Variants in WDR41 observed in about 807,000 individuals in gnomAD.
WDR41 encodes the protein WD repeat-containing protein 41.
WDR41 carries 63 observed loss-of-function variants against 69.3 expected under a neutral mutation model. The ratio of observed to expected loss-of-function variants is 0.91; its 90% confidence interval spans 0.74 to 1.12. WDR41 has a LOEUF of 1.12. Ranked by LOEUF, WDR41 falls within the 50% of genes most tolerant of loss-of-function variation. The pLI is 0.00. For synonymous variants in WDR41, 185 were observed against 192.1 expected (o/e 0.96, Z 0.31); for missense variants, 543 against 534.5 (o/e 1.02, Z -0.16).
intron 1 of WDR41, among the ~76,000 whole-genome samples, chr5:77,596,895 A>G (rs1447284714): frequency 6.6e-6 from 1 of 151,874 alleles, no homozygotes; most frequent in Non-Finnish European, 1.5e-5. Context: ...AAGGGGGTGG[A>G]TTGCTTGAGC....
intron 4 of WDR41, 37 bp downstream of exon 4, chr5:77,463,058 A>G: frequency 1.2e-6 from 2 of 1,607,564 alleles, no homozygotes; most frequent in Non-Finnish European, 8.5e-7. Flanking sequence ...TCCTTAGGCC[A>G]CTACAGCTTG....
At chr5:77,609,445 C>T (rs1178223663) in intron 1 of WDR41, among the ~76,000 whole-genome samples, 1 of 152,176 alleles carries the variant, frequency 6.6e-6, no homozygotes. Flanking sequence ...GCCAGGTACT[C>T]CTCTGAGACA....
rs1743960604 is a variant in WDR41, at chr5:77,582,665, G to A, written c.42+37814C>T. ...TTGGCGTTTGTCATCAGAATCAGAG[G>A]TATCAGTGCTGTGAGCCCAAAGGTC... On this transcript the variant is annotated intron_variant, in intron 1 of 5. Transcript: ENST00000509971. 6 of 1,601,152 alleles carry A rather than the reference G, an allele frequency of 3.7e-6. No homozygotes were observed. The Admixed American group carries it at 5.0e-5, about 13-fold the overall frequency.
At chr5:77,604,271 C>T (rs548435998) in intron 1 of WDR41, among the ~76,000 whole-genome samples, 14 of 152,218 alleles carry the variant, frequency 9.2e-5, no homozygotes, top group Admixed American at 7.2e-4. Flanking sequence ...TTGTAGTTTT[C>T]CCTGTAGAGG....
At chr5:77,483,523 T>C (rs928887691) in intron 2 of WDR41, among the ~76,000 whole-genome samples, 5 of 124,752 alleles carry the variant, frequency 4.0e-5, no homozygotes, top group African/African-American at 1.5e-4. Context: ...TGTGTGTGTG[T>C]GTATGCAACG....
In WDR41 at chr5:77,512,377, T is replaced by A. The variant is rs547968106; in HGVS notation, c.43-22805A>T. Among the ~76,000 whole-genome samples the A allele has an allele frequency of 2.5e-4, 34 of 137,784 alleles. No individual in the cohort carries two copies. In the South Asian group the frequency reaches 3.9e-3, roughly 16 times the overall value. 90.4% of individuals were successfully genotyped at this position (137,784 alleles called of 152,430 possible). A position where few individuals can be genotyped will look rare whatever the true frequency, so the allele number is the denominator to read the frequency against. ...GTGAGTGTGTGTGTGTGTGTGTGTG[T>A]GTGTGTGTGTGTGTGTGTGTGTGTA... On this transcript the variant is annotated intron_variant, in intron 1 of 5. Coordinates refer to the WDR41 transcript ENST00000509971.
chr5:77,596,302 C>T (rs1173021978), intron 1 of WDR41, among the ~76,000 whole-genome samples: 2 of 152,042 alleles, frequency 1.3e-5, no homozygotes, highest in African/African-American at 2.4e-5. Flanking sequence ...TGTGCACCAC[C>T]ACCCCCAGCT....
chr5:77,520,605 C>G (rs114303592), intron 1 of WDR41, among the ~76,000 whole-genome samples: 1,631 of 152,226 alleles, frequency 0.011, 32 homozygotes, highest in African/African-American at 0.037. Context: ...TAAAATTGAG[C>G]CTTGCTTGAC....
chr5:77,514,561 A>G (rs1306984217), intron 1 of WDR41, among the ~76,000 whole-genome samples: 2 of 152,210 alleles, frequency 1.3e-5, no homozygotes, highest in Non-Finnish European at 2.9e-5. Context: ...TTTGCCTATC[A>G]TTATGTAACC....
At chr5:77,519,894 A>T (rs991740830) in intron 1 of WDR41, among the ~76,000 whole-genome samples, 42 of 151,562 alleles carry the variant, frequency 2.8e-4, no homozygotes, top group African/African-American at 9.9e-4. Context: ...ATATTTTTTT[A>T]AATTATTCTT....
At chr5:77,545,574 C>T (rs1193551525) in intron 1 of WDR41, 2 of 282,182 alleles carry the variant, frequency 7.1e-6, no homozygotes, top group Non-Finnish European at 1.3e-5. Flanking sequence ...CCAAGCTGGG[C>T]CGTCTGGTCA....
chr5:77,510,366 G>A (rs1011233884), intron 1 of WDR41, among the ~76,000 whole-genome samples: 5 of 152,142 alleles, frequency 3.3e-5, no homozygotes, highest in Non-Finnish European at 7.4e-5. Context: ...CACAACACAT[G>A]GGAATTATGG....
chr5:77,520,754 A>G (rs1802358792), intron 1 of WDR41, among the ~76,000 whole-genome samples: 1 of 152,196 alleles, frequency 6.6e-6, no homozygotes, highest in Non-Finnish European at 1.5e-5. Flanking sequence ...TTAAAGAGTT[A>G]CTTGTAGGTA....
intron 1 of WDR41, among the ~76,000 whole-genome samples, chr5:77,490,602 A>C (rs199891866): frequency 1.4e-5 from 2 of 147,632 alleles, no homozygotes; most frequent in South Asian, 2.2e-4. Context: ...CAAAAAAAAA[A>C]CCACCACCAC....
intron 1 of WDR41, among the ~76,000 whole-genome samples, chr5:77,520,172 T>G (rs1802352233): frequency 6.6e-6 from 1 of 152,114 alleles, no homozygotes; most frequent in South Asian, 2.1e-4. Flanking sequence ...ATGGATTGAT[T>G]AAATAAAATT....
chr5:77,557,681 C>T (rs1743433262), intron 1 of WDR41, among the ~76,000 whole-genome samples: 1 of 152,086 alleles, frequency 6.6e-6, no homozygotes, highest in Non-Finnish European at 1.5e-5. Context: ...CATGCAATTC[C>T]ACTCCTAGGC....
chr5:77,464,945 AT>A, intron 2 of WDR41, 136 bp from the exon 3 acceptor site: 1 of 849,330 alleles, frequency 1.2e-6, no homozygotes. Flanking sequence ...AATTTAAAAA[AT>A]ATTTATGAAA....
chr5:77,544,129 AC>A (rs1417805432), intron 1 of WDR41, among the ~76,000 whole-genome samples: 1 of 152,146 alleles, frequency 6.6e-6, no homozygotes, highest in Admixed American at 6.5e-5. Flanking sequence ...GGCCACCACT[AC>A]AAGAACTGCT....
intron 1 of WDR41, among the ~76,000 whole-genome samples, chr5:77,561,217 A>G (rs1264778349): frequency 2.0e-5 from 3 of 152,146 alleles, no homozygotes; most frequent in African/African-American, 7.2e-5. Context: ...CTCCCATATC[A>G]GTGTGATATA....
Sources: gnomAD v4.1 joint callset for allele counts (sites outside exome capture counted in the v4.1 genomes callset) on GRCh38, gnomAD v4.1.1 for gene constraint, MANE v1.5 for transcripts, NCBI Gene and HGNC (gene_info 2026-07-23, HGNC 2026-07-21) for gene names.